CYP51A1: variants seen among roughly 807,000 people sequenced by gnomAD.
CYP51A1 encodes the protein lanosterol 14-alpha demethylase.
In CYP51A1, 45 loss-of-function variants were observed where a neutral mutation model predicts 53.5. That is an observed-to-expected ratio of 0.84 (90% CI 0.66 to 1.08). The LOEUF (loss-of-function observed/expected upper bound fraction) is 1.08, where lower values mean the gene tolerates loss of function less well. CYP51A1 is among the 50% of genes least tolerant of loss of function. CYP51A1 has a pLI of 0.00. For synonymous variants in CYP51A1, 181 were observed against 217.7 expected, an observed-to-expected ratio of 0.83 and a Z score of 1.48; for missense variants, 462 against 621.7, an observed-to-expected ratio of 0.74 and a Z score of 2.73.
At chr7:92,128,465 T>C (rs936010199) in intron 3 of CYP51A1, among the ~76,000 whole-genome samples, 4 of 146,158 alleles carry the variant, frequency 2.7e-5, no homozygotes, top group African/African-American at 7.4e-5. Flanking sequence ...TGCGCGTGCG[T>C]GTGTGTGTGT....
intron 5 of CYP51A1, 65 bp downstream of exon 5, chr7:92,126,188 C>A: frequency 8.7e-7 from 1 of 1,155,732 alleles, no homozygotes; most frequent in Non-Finnish European, 1.2e-6. Flanking sequence ...TAAGGCAAAG[C>A]ATACCAACAC....
In CYP51A1 at chr7:92,134,250, C is replaced by A. The variant is rs749892526; in HGVS notation, c.115G>T (p.Ala39Ser). The stretch of plus-strand genomic sequence containing the variant: ...ACCAGGCTGAGGGTGAAGGCGCAGG[C>A]GATCAGCAGCATGGACAAGAGGTTG... Reference protein sequence around the residue: ...GGNLLSMLLIACAFTLSLVYL... With the variant: ...GGNLLSMLLISCAFTLSLVYL... Residue 39 changes from alanine to serine, a missense_variant, in exon 1 of 10, where the codon GCC (alanine) becomes TCC (serine). Transcript: ENST00000003100. 2 of 1,613,368 alleles carry A rather than the reference C, an allele frequency of 1.2e-6. No individual in the cohort carries two copies. The highest frequency in any genetic ancestry group is 1.1e-5 in the South Asian group (1 of 91,026).
chr7:92,113,085 T>C lies in CYP51A1; in HGVS notation c.*580A>G, dbSNP rs1361081522. 1.3e-5 allele frequency: 2 copies of C among 152,254 alleles called. No homozygotes were observed. Among genetic ancestry groups the C allele is most frequent in the African/African-American group, 2.4e-5 (1 of 41,448 alleles). 9.4% of individuals were successfully genotyped at this position (152,254 alleles called of 1,614,324 possible). On this transcript the variant is annotated 3_prime_UTR_variant, in exon 10 of 10. Coordinates refer to ENST00000003100, the MANE Select transcript of CYP51A1 (RefSeq NM_000786.4). ...CTTAATTTCCCATATGCAGTGATTT[T>C]AGTTAAAATTCCAAAGGATTTCTTT...
intron 9 of CYP51A1, among the ~76,000 whole-genome samples, chr7:92,114,594 T>C (rs1333594474): frequency 1.3e-5 from 2 of 152,106 alleles, no homozygotes; most frequent in African/African-American, 2.4e-5. Flanking sequence ...TAACTAGATA[T>C]TACATGGGGG....
At chr7:92,116,828 T>C (rs1819587402) in intron 9 of CYP51A1, among the ~76,000 whole-genome samples, 1 of 152,170 alleles carries the variant, frequency 6.6e-6, no homozygotes, top group Non-Finnish European at 1.5e-5. Flanking sequence ...GGTTAGGAAG[T>C]AGTGAAGCAT....
intron 3 of CYP51A1, among the ~76,000 whole-genome samples, chr7:92,128,321 C>T (rs1207576260): frequency 2.0e-5 from 3 of 151,974 alleles, no homozygotes; most frequent in African/African-American, 7.3e-5. Context: ...AACTAAATAC[C>T]CATTACTTAT....
At chr7:92,128,759 G>T in intron 3 of CYP51A1, 121 bp downstream of exon 3, 1 of 907,882 alleles carries the variant, frequency 1.1e-6, no homozygotes, top group Non-Finnish European at 1.6e-6. Context: ...AAAGTGCTGG[G>T]ATTACAGGAA....
chr7:92,113,972 T>A (rs771714343), intron 9 of CYP51A1, 129 bp from the exon 10 acceptor site: 1 of 595,726 alleles, frequency 1.7e-6, no homozygotes, highest in Non-Finnish European at 2.8e-6. Flanking sequence ...ATGACATTCT[T>A]TTCACATAAA....
At chr7:92,121,895 G>A (rs115601589) in intron 7 of CYP51A1, among the ~76,000 whole-genome samples, 1,600 of 152,276 alleles carry the variant, frequency 0.011, 25 homozygotes, top group African/African-American at 0.037. Context: ...AAATTATGAT[G>A]ATGGTTTCCC....
chr7:92,122,807 T>G (rs895072566), intron 7 of CYP51A1, among the ~76,000 whole-genome samples: 1 of 152,162 alleles, frequency 6.6e-6, no homozygotes, highest in Non-Finnish European at 1.5e-5. Flanking sequence ...CTTCTACACT[T>G]CATAAGACAC....
Position 92,123,139 on chromosome 7 carries a change from G to A in CYP51A1, c.1067C>T (p.Pro356Leu), listed in dbSNP as rs1482034068. The change falls in exon 7 of 10, where the codon CCT becomes CTT. Residue 356 changes from proline to leucine, a missense_variant. Coordinates refer to ENST00000003100, the MANE Select transcript of CYP51A1 (RefSeq NM_000786.4). ...ACAAACCTGGTCATAAGTTAAAGGA[G>A]GCAGATTCTCTCCACAGACTGTTTT... ...EQKTVCGENL[P>L]PLTYDQLKDL... The A allele has an allele frequency of 3.7e-6, 6 of 1,613,302 alleles. No individual in the cohort carries two copies. The South Asian group carries it at 6.6e-5, about 18-fold the overall frequency.
At chr7:92,119,607 A>G (rs185970169) in intron 7 of CYP51A1, among the ~76,000 whole-genome samples, 4 of 152,166 alleles carry the variant, frequency 2.6e-5, no homozygotes, top group Admixed American at 2.6e-4. Context: ...AGCAGCAGCA[A>G]CAACAACAAC....
At chr7:92,130,131 G>C (rs973021092) in intron 2 of CYP51A1, among the ~76,000 whole-genome samples, 5 of 152,180 alleles carry the variant, frequency 3.3e-5, no homozygotes, top group Non-Finnish European at 7.4e-5. Context: ...CCTCCGATAA[G>C]AGGCAAAATA....
chr7:92,126,591 C>T (rs188869064), intron 4 of CYP51A1, among the ~76,000 whole-genome samples, 164 bp from the exon 5 acceptor site: 289 of 152,204 alleles, frequency 1.9e-3, no homozygotes, highest in African/African-American at 6.5e-3. Context: ...GGGCAATAAA[C>T]CAAACAATGT....
intron 3 of CYP51A1, 63 bp downstream of exon 3, chr7:92,128,811 ATGTCTC>A: frequency 7.6e-7 from 1 of 1,318,908 alleles, no homozygotes; most frequent in Middle Eastern, 2.7e-4. Context: ...TAAATGTATA[ATGTCTC>A]ACTATTAGCT....
At chr7:92,117,781 A>G (rs1010736401) in intron 8 of CYP51A1, among the ~76,000 whole-genome samples, 1 of 152,136 alleles carries the variant, frequency 6.6e-6, no homozygotes, top group Non-Finnish European at 1.5e-5. Flanking sequence ...TGAGGTCGGG[A>G]GTTCGAGATC....
Position 92,129,166 on chromosome 7 carries a change from TA to T in CYP51A1, c.292-111del, listed in dbSNP as rs757689634. 875 of 637,774 alleles carry T rather than the reference TA, an allele frequency of 1.4e-3. 4 individuals carry two copies. Among genetic ancestry groups the T allele is most frequent in the Non-Finnish European group, 1.9e-3 (746 of 391,722 alleles). The allele number at this position is 637,774 out of a possible 1,614,324, so 39.5% of individuals were successfully genotyped here. ...ATTATTAAAAAAATAAAAACATATA[TA>T]AACCTTAAAGCAATTCTTTTCATCT... On this transcript the variant is annotated intron_variant, in intron 2 of 9. Coordinates refer to ENST00000003100, the MANE Select transcript of CYP51A1 (RefSeq NM_000786.4).
intron 2 of CYP51A1, 91 bp from the exon 3 acceptor site, chr7:92,129,147 A>T (rs1272316431): frequency 1.4e-5 from 10 of 734,972 alleles, no homozygotes; most frequent in East Asian, 5.9e-5. Flanking sequence ...ATGCATTATT[A>T]AAAAAATAAA....
intron 7 of CYP51A1, among the ~76,000 whole-genome samples, chr7:92,121,477 C>T (rs949371536): frequency 3.9e-5 from 6 of 151,998 alleles, no homozygotes; most frequent in African/African-American, 1.2e-4. Context: ...AGGTATGACC[C>T]CCCAAAATTG....
Sources: gnomAD v4.1 joint callset for allele counts (sites outside exome capture counted in the v4.1 genomes callset) on GRCh38, gnomAD v4.1.1 for gene constraint, MANE v1.5 for transcripts, NCBI Gene and HGNC (gene_info 2026-07-23, HGNC 2026-07-21) for gene names.